Variants in MTBP observed in about 807,000 individuals in gnomAD.
MTBP encodes the protein MDM2 binding protein, also known as mdm2-binding protein.
MTBP carries 101 observed loss-of-function variants against 117.0 expected under a neutral mutation model. The ratio of observed to expected loss-of-function variants is 0.86; its 90% confidence interval spans 0.73 to 1.02. MTBP has a LOEUF of 1.02. MTBP is among the 50% of genes least tolerant of loss of function. The pLI is 0.00. For missense variants in MTBP, 970 were observed against 1,030.9 expected, an observed-to-expected ratio of 0.94 and a Z score of 0.81; for synonymous variants, 350 against 351.5, an observed-to-expected ratio of 1.00 and a Z score of 0.05.
intron 8 of MTBP, 25 bp downstream of exon 8, chr8:120,459,374 T>C (rs1386860551): frequency 6.3e-7 from 1 of 1,578,888 alleles, no homozygotes; most frequent in Non-Finnish European, 8.6e-7. Context: ...TTTTTTTGTG[T>C]GATCATTCAT....
Position 120,463,728 on chromosome 8 carries a change from G to A in MTBP, c.1014G>A (p.Leu338=), listed in dbSNP as rs1270826325. 1.9e-6 allele frequency: 3 copies of A among 1,611,910 alleles called. No homozygotes were observed. The highest frequency in any genetic ancestry group is 1.7e-5 in the Admixed American group (1 of 59,976). ...LTNSTKQNSV[L]LLEQISSLCS... is the part of the protein sequence containing the mutation. ...ACAGTACCAAACAGAATTCTGTGTT[G>A]CTGTTGGAGCAGATTTCTTCTCTGT... Residue 338 remains leucine (L), a synonymous_variant, in exon 10 of 22, where the codon TTG becomes TTA. Coordinates refer to ENST00000305949, the MANE Select transcript of MTBP (RefSeq NM_022045.5).
intron 17 of MTBP, among the ~76,000 whole-genome samples, chr8:120,512,307 T>C (rs1814829411): frequency 6.6e-6 from 1 of 152,164 alleles, no homozygotes; most frequent in South Asian, 2.1e-4. Context: ...GAAGCACTGA[T>C]TTGAATAAAA....
intron 5 of MTBP, among the ~76,000 whole-genome samples, chr8:120,454,597 G>A (rs1463638069): frequency 6.6e-6 from 1 of 152,020 alleles, no homozygotes; most frequent in African/African-American, 2.4e-5. Context: ...AGTGTACCAT[G>A]ATGAATAAAG....
chr8:120,461,377 G>A (rs1813580182), intron 9 of MTBP, 122 bp downstream of exon 9: 2 of 684,980 alleles, frequency 2.9e-6, no homozygotes, highest in East Asian at 5.8e-5. Flanking sequence ...CTGTTTTAAT[G>A]TTGATGTTCA....
At chr8:120,481,833 A>C (rs1329203853) in intron 11 of MTBP, among the ~76,000 whole-genome samples, 1 of 152,210 alleles carries the variant, frequency 6.6e-6, no homozygotes, top group Non-Finnish European at 1.5e-5. Context: ...CACTTTTTGT[A>C]AGAATCATTC....
Position 120,518,687 on chromosome 8 carries a change from G to GT in MTBP, c.2497-15dup. 1 of 1,523,632 alleles carries GT rather than the reference G, an allele frequency of 6.6e-7. No homozygotes were observed. Among genetic ancestry groups the GT allele is most frequent in the Non-Finnish European group, 9.0e-7 (1 of 1,105,248 alleles). 94.4% of individuals were successfully genotyped at this position (1,523,632 alleles called of 1,614,324 possible). ...CTTTTCCAAGAAATATTCGTCATAT[G>GT]TTATGTTCTGTTCAAGATACTGAAA... On this transcript the variant is annotated splice_polypyrimidine_tract_variant and intron_variant, in intron 19 of 21. Coordinates refer to ENST00000305949, the MANE Select transcript of MTBP (RefSeq NM_022045.5).
chr8:120,505,469 CTG>C (rs1003447610), intron 15 of MTBP, among the ~76,000 whole-genome samples: 6 of 152,046 alleles, frequency 3.9e-5, no homozygotes, highest in African/African-American at 1.4e-4. Flanking sequence ...GTTTTGTTGA[CTG>C]TTTTTATTAG....
At chr8:120,489,333 G>A (rs778034137) in intron 12 of MTBP, among the ~76,000 whole-genome samples, 41 of 152,094 alleles carry the variant, frequency 2.7e-4, no homozygotes, top group Non-Finnish European at 4.6e-4. Context: ...CACTGCGCCC[G>A]GCCTAGGCTG....
intron 8 of MTBP, among the ~76,000 whole-genome samples, chr8:120,460,073 G>C (rs1306792936): frequency 1.3e-5 from 2 of 152,074 alleles, no homozygotes; most frequent in Non-Finnish European, 2.9e-5. Flanking sequence ...GAAGTTAAAG[G>C]ATGTCAAATT....
intron 1 of MTBP, among the ~76,000 whole-genome samples, 196 bp downstream of exon 1, chr8:120,445,784 G>A (rs939694900): frequency 2.0e-5 from 3 of 152,168 alleles, no homozygotes; most frequent in Non-Finnish European, 4.4e-5. Flanking sequence ...GTGGATGCAA[G>A]ATTCCAGCCC....
intron 11 of MTBP, among the ~76,000 whole-genome samples, chr8:120,479,877 A>G (rs1427136319): frequency 2.0e-5 from 3 of 152,202 alleles, no homozygotes; most frequent in African/African-American, 7.2e-5. Flanking sequence ...TTAGAATGGA[A>G]GGAAGATCAA....
chr8:120,465,911 T>C (rs891811056), intron 10 of MTBP, among the ~76,000 whole-genome samples: 5 of 152,084 alleles, frequency 3.3e-5, no homozygotes, highest in Non-Finnish European at 7.4e-5. Flanking sequence ...CATCTAGTTA[T>C]TGAAGATAGG....
intron 20 of MTBP, among the ~76,000 whole-genome samples, chr8:120,520,198 T>TA (rs1043320581): frequency 2.0e-5 from 3 of 152,098 alleles, no homozygotes; most frequent in African/African-American, 7.2e-5. Flanking sequence ...GAAAACTTCA[T>TA]AAAAACTATA....
At position 120,445,542 on chromosome 8, in the gene MTBP, A is replaced by G; in HGVS notation, c.72A>G (p.Glu24=). ...CGTCGGCGGCCAGTAGGGAGGCAGA[A>G]CATGGGCCAGAGGTGTCGTCGGGTG... is the stretch of plus-strand genomic sequence containing the variant. The part of the protein sequence containing the change: ...KFPSAASREA[E]HGPEVSSGEG... The change falls in exon 1 of 22, where the codon GAA becomes GAG. Residue 24 remains glutamate, a synonymous_variant. Transcript: ENST00000305949. The G allele has an allele frequency of 1.9e-6, 3 of 1,613,740 alleles. No individual in the cohort carries two copies. The highest frequency in any genetic ancestry group is 2.5e-6 in the Non-Finnish European group (3 of 1,179,842).
chr8:120,480,461 G>A (rs1586953654), intron 11 of MTBP, among the ~76,000 whole-genome samples: 1 of 152,110 alleles, frequency 6.6e-6, no homozygotes, highest in South Asian at 2.1e-4. Context: ...ATATGGAGTA[G>A]CAAAGCAACT....
chr8:120,463,783 T>C (rs575004122), intron 10 of MTBP, 22 bp downstream of exon 10: 1 of 1,601,740 alleles, frequency 6.2e-7, no homozygotes. Flanking sequence ...TTCTTGGGGG[T>C]TTTTTGTTTG....
intron 2 of MTBP, among the ~76,000 whole-genome samples, chr8:120,446,918 C>A (rs933056235): frequency 5.3e-5 from 8 of 152,152 alleles, no homozygotes; most frequent in Admixed American, 1.3e-4. Flanking sequence ...TTCTGATTCT[C>A]TTAAAAGTAC....
chr8:120,451,124 A>G, intron 3 of MTBP, 47 bp from the exon 4 acceptor site: 1 of 1,581,526 alleles, frequency 6.3e-7, no homozygotes. Flanking sequence ...TTACTAATAT[A>G]AATAATTTCA....
intron 16 of MTBP, among the ~76,000 whole-genome samples, chr8:120,507,887 G>A (rs1315775398): frequency 6.6e-6 from 1 of 152,072 alleles, no homozygotes; most frequent in Non-Finnish European, 1.5e-5. Context: ...CATCTATTTA[G>A]TTATTGGATT....
Sources: allele counts gnomAD v4.1 joint callset (sites outside exome capture counted in the v4.1 genomes callset), GRCh38; gene constraint gnomAD v4.1.1; transcripts MANE v1.5; gene names NCBI Gene and HGNC (gene_info 2026-07-23, HGNC 2026-07-21).